ZBTB20: variants seen among roughly 807,000 people sequenced by gnomAD.
ZBTB20 encodes zinc finger and BTB domain-containing protein 20.
In ZBTB20, 9 loss-of-function variants were observed where a neutral mutation model predicts 56.9. That is an observed-to-expected ratio of 0.16 (90% CI 0.10 to 0.28). ZBTB20 has a LOEUF of 0.28. Ranked by LOEUF, ZBTB20 falls within the 10% of genes least tolerant of loss-of-function variation. The pLI is 1.00. For missense variants in ZBTB20, 655 were observed against 1,003.0 expected (o/e 0.65, Z 4.69); for synonymous variants, 417 against 420.7 (o/e 0.99, Z 0.11).
chr3:115,115,046 A>G (rs1351735233), intron 1 of ZBTB20, among the ~76,000 whole-genome samples: 1 of 152,146 alleles, frequency 6.6e-6, no homozygotes, highest in Admixed American at 6.5e-5. Flanking sequence ...AAAGTATCAT[A>G]AAGATTCCAC....
At position 114,609,481 on chromosome 3, in the gene ZBTB20, C is replaced by A. The variant is rs193241703; in HGVS notation, c.-295+84047G>T. Among the ~76,000 whole-genome samples, 345 of 152,188 alleles carry A rather than the reference C, an allele frequency of 2.3e-3. 2 individuals are homozygous for A. The highest frequency in any genetic ancestry group is 8.1e-3 in the African/African-American group (335 of 41,494). ...TCTGCTTGTTTTGCTCTGTTATACA[C>A]AAAGTAATCTTAAATTCAGTTTATT... On this transcript the variant is annotated intron_variant, in intron 6 of 11. Coordinates refer to ENST00000675478, the MANE Select transcript of ZBTB20 (RefSeq NM_001348800.3).
chr3:114,443,481 A>G (rs1576785296), intron 7 of ZBTB20, among the ~76,000 whole-genome samples: 1 of 152,338 alleles, frequency 6.6e-6, no homozygotes, highest in East Asian at 1.9e-4. Flanking sequence ...TATGTGGGTC[A>G]GGCACTGGCC....
chr3:114,669,317 T>C (rs2061232926), intron 6 of ZBTB20, among the ~76,000 whole-genome samples: 1 of 152,004 alleles, frequency 6.6e-6, no homozygotes, highest in Admixed American at 6.6e-5. Context: ...ATCAGCCACA[T>C]CAACACGTAA....
intron 7 of ZBTB20, among the ~76,000 whole-genome samples, chr3:114,440,653 T>C (rs944729460): frequency 3.9e-5 from 6 of 152,162 alleles, no homozygotes; most frequent in Non-Finnish European, 5.9e-5. Flanking sequence ...TTTAAAAGGA[T>C]AGATAACGCT....
At position 114,758,077 on chromosome 3, in the gene ZBTB20, G is replaced by A. The variant is rs1451084982; in HGVS notation, c.-343+43024C>T. Among the ~76,000 whole-genome samples, 5 of 152,086 alleles carry A rather than the reference G, an allele frequency of 3.3e-5. No individual in the cohort carries two copies. The East Asian group carries it at 9.6e-4, about 29-fold the overall frequency. On this transcript the variant is annotated intron_variant, in intron 5 of 11. Coordinates refer to ENST00000675478, the MANE Select transcript of ZBTB20 (RefSeq NM_001348800.3). ...GTCACTTACTTTCATTTCAAAAACA[G>A]TTTGTTGTCGATGAAAGCGCATTTT...
chr3:114,354,565 T>G (rs1388273375), intron 10 of ZBTB20, among the ~76,000 whole-genome samples: 4 of 124,348 alleles, frequency 3.2e-5, no homozygotes, highest in South Asian at 2.8e-4. Flanking sequence ...CTGAACAGGT[T>G]TTTTTTTGTT....
chr3:114,679,579 A>G (rs1299124559), intron 6 of ZBTB20, among the ~76,000 whole-genome samples: 3 of 152,246 alleles, frequency 2.0e-5, no homozygotes, highest in Non-Finnish European at 4.4e-5. Flanking sequence ...CAAAATCACA[A>G]TAAGATACTA....
chr3:115,118,703 ATTTTTTTTTTTTTTTTTT>A (rs35607205), intron 1 of ZBTB20, among the ~76,000 whole-genome samples: 1 of 82,174 alleles, frequency 1.2e-5, no homozygotes, highest in Non-Finnish European at 2.2e-5. Context: ...CCTGGTACAA[ATTTTTTTTTTTTTTTTTT>A]TTTTTTTTTT....
intron 1 of ZBTB20, among the ~76,000 whole-genome samples, chr3:115,114,626 A>ATT (rs1182660884): frequency 6.6e-6 from 1 of 152,264 alleles, no homozygotes; most frequent in East Asian, 1.9e-4. Context: ...ATGCCAATAT[A>ATT]TTTTTGTACA....
intron 1 of ZBTB20, among the ~76,000 whole-genome samples, chr3:115,109,967 T>C (rs1343549691): frequency 6.6e-6 from 1 of 152,170 alleles, no homozygotes; most frequent in East Asian, 1.9e-4. Context: ...CCCAGCACTT[T>C]GGGAGGCCGA....
rs184032203 is a variant in ZBTB20, at chr3:114,588,746, G to A, written c.-294-88355C>T. Among the ~76,000 whole-genome samples the A allele has an allele frequency of 5.7e-4, 87 of 152,142 alleles. 2 individuals are homozygous for A. Among genetic ancestry groups the A allele is most frequent in the African/African-American group, 1.7e-3 (72 of 41,520 alleles). On this transcript the variant is annotated intron_variant, in intron 6 of 11. Transcript: ENST00000675478. ...TCTCTGCTGCATACCACCAGGGCAC[G>A]GAACTCTCCACTGTAGGATACTTCT... is the stretch of plus-strand genomic sequence containing the variant.
At chr3:114,954,420 A>C (rs1020367508) in intron 3 of ZBTB20, among the ~76,000 whole-genome samples, 1 of 152,168 alleles carries the variant, frequency 6.6e-6, no homozygotes, top group African/African-American at 2.4e-5. Flanking sequence ...CCTTAAAAGA[A>C]ATCAGGTAAT....
chr3:114,467,646 T>C (rs575009564), intron 7 of ZBTB20, among the ~76,000 whole-genome samples: 3 of 152,304 alleles, frequency 2.0e-5, no homozygotes, highest in East Asian at 1.9e-4. Flanking sequence ...ATCACACACA[T>C]AAACAAACAT....
intron 5 of ZBTB20, among the ~76,000 whole-genome samples, chr3:114,724,452 A>C (rs1045273548): frequency 6.6e-6 from 1 of 152,150 alleles, no homozygotes; most frequent in Non-Finnish European, 1.5e-5. Context: ...TTAGAAAGAG[A>C]GGCAGAATTT....
intron 7 of ZBTB20, among the ~76,000 whole-genome samples, chr3:114,424,907 T>G (rs1411900607): frequency 6.6e-6 from 1 of 152,134 alleles, no homozygotes; most frequent in Non-Finnish European, 1.5e-5. Context: ...GAGTGAAGGA[T>G]TCTTCAGTTT....
intron 6 of ZBTB20, among the ~76,000 whole-genome samples, chr3:114,670,944 C>T (rs1453924456): frequency 1.3e-5 from 2 of 152,062 alleles, no homozygotes; most frequent in Non-Finnish European, 2.9e-5. Context: ...GAACTGTTGA[C>T]ATTTTTTGCT....
At chr3:114,850,604 C>G (rs9882894) in intron 4 of ZBTB20, among the ~76,000 whole-genome samples, 119,457 of 152,154 alleles carry the variant, frequency 0.79, 50,138 homozygotes, top group East Asian at 0.99. Context: ...GTAACTTACC[C>G]AAGGCCCTGC....
At chr3:114,554,566 A>C (rs1185963974) in intron 6 of ZBTB20, among the ~76,000 whole-genome samples, 1 of 152,224 alleles carries the variant, frequency 6.6e-6, no homozygotes, top group African/African-American at 2.4e-5. Context: ...AGGAAGACAA[A>C]AAACAATAAA....
chr3:114,378,610 C>G (rs2722007), intron 10 of ZBTB20, among the ~76,000 whole-genome samples: 62,964 of 151,986 alleles, frequency 0.41, 13,147 homozygotes, highest in Non-Finnish European at 0.43. Context: ...AGATTTCTAG[C>G]CTAAGGCAAT....
Sources: allele counts gnomAD v4.1 joint callset (sites outside exome capture counted in the v4.1 genomes callset), GRCh38; gene constraint gnomAD v4.1.1; transcripts MANE v1.5; gene names NCBI Gene and HGNC (gene_info 2026-07-23, HGNC 2026-07-21).